SNTG2: variants seen among roughly 807,000 people sequenced by gnomAD.
The protein encoded by SNTG2 is syntrophin gamma 2, also known as gamma-2-syntrophin.
A neutral mutation model predicts 70.9 loss-of-function variants in SNTG2; 74 were observed. That is an observed-to-expected ratio of 1.04 (90% CI 0.86 to 1.27). The LOEUF (loss-of-function observed/expected upper bound fraction) is 1.27. Among genes scored for constraint, SNTG2 ranks in the 50% most tolerant of loss-of-function variants. The pLI is 0.00. For synonymous variants in SNTG2, 278 were observed against 273.8 expected, an observed-to-expected ratio of 1.02 and a Z score of -0.15; for missense variants, 717 against 690.7, an observed-to-expected ratio of 1.04 and a Z score of -0.43.
At chr2:1,000,078 T>C (rs972569569) in intron 1 of SNTG2, among the ~76,000 whole-genome samples, 4 of 151,850 alleles carry the variant, frequency 2.6e-5, no homozygotes, top group African/African-American at 9.7e-5. Flanking sequence ...AAATTTTCTT[T>C]ACCTGAATGA....
chr2:1,128,469 A>C (rs1667836772), intron 4 of SNTG2, among the ~76,000 whole-genome samples: 1 of 152,198 alleles, frequency 6.6e-6, no homozygotes, highest in Admixed American at 6.5e-5. Flanking sequence ...AGGCTTTGCA[A>C]CATAATGAAT....
chr2:1,023,580 G>A (rs576363506), intron 1 of SNTG2, among the ~76,000 whole-genome samples: 40 of 152,146 alleles, frequency 2.6e-4, no homozygotes, highest in Non-Finnish European at 5.1e-4. Context: ...TGGTTTCATC[G>A]TCGAACATTT....
chr2:1,188,671 C>T (rs965896868), intron 8 of SNTG2, among the ~76,000 whole-genome samples: 1 of 152,012 alleles, frequency 6.6e-6, no homozygotes, highest in African/African-American at 2.4e-5. Context: ...TAAATAGCTA[C>T]AAAATACATA....
intron 1 of SNTG2, among the ~76,000 whole-genome samples, chr2:997,975 G>T (rs1410882871): frequency 2.0e-5 from 3 of 152,166 alleles, no homozygotes; most frequent in Non-Finnish European, 4.4e-5. Context: ...TCTGCAAGAG[G>T]CTGTTAGCCT....
intron 16 of SNTG2, among the ~76,000 whole-genome samples, chr2:1,351,042 C>T (rs1023762208): frequency 2.6e-5 from 4 of 151,602 alleles, no homozygotes; most frequent in Admixed American, 6.6e-5. Context: ...CTTGTTCGGC[C>T]GATAAGTGTA....
intron 1 of SNTG2, among the ~76,000 whole-genome samples, chr2:1,060,577 A>G (rs6733908): frequency 0.17 from 25,364 of 152,214 alleles, 2,218 homozygotes; most frequent in South Asian, 0.2. Context: ...TATAAGGTTC[A>G]TCTGGAAGAG....
intron 16 of SNTG2, among the ~76,000 whole-genome samples, chr2:1,321,264 A>C (rs1021246027): frequency 1.2e-4 from 18 of 152,218 alleles, no homozygotes; most frequent in African/African-American, 4.3e-4. Context: ...ATATATATCC[A>C]TGAAGCAGAG....
chr2:1,271,749 A>G (rs561430546), intron 14 of SNTG2, among the ~76,000 whole-genome samples: 1 of 152,126 alleles, frequency 6.6e-6, no homozygotes, highest in Non-Finnish European at 1.5e-5. Flanking sequence ...CCCATTGAGG[A>G]TGTCCCCTTC....
rs572489332 is a variant in SNTG2 at position 1,250,902 on chromosome 2, G to A, written c.1005+3459G>A. The stretch of plus-strand genomic sequence containing the variant: ...TCTTTTCCTATAAAAGTTATCTATC[G>A]TCTCTTTCTCCTTCTGCATACACTC... On this transcript the variant is annotated intron_variant, in intron 12 of 16. Transcript: ENST00000308624. Among the ~76,000 whole-genome samples, 22 of 152,088 alleles carry A rather than the reference G, an allele frequency of 1.4e-4. No individual in the cohort carries two copies. The South Asian group carries it at 1.5e-3, about 10-fold the overall frequency.
In SNTG2 at chr2:999,073, G is replaced by A. The variant is rs562962426; in HGVS notation, c.72+48005G>A. Among the ~76,000 whole-genome samples the A allele has an allele frequency of 3.0e-4, 46 of 152,204 alleles. 1 individual carries two copies. The highest frequency in any genetic ancestry group is 3.1e-4 in the Non-Finnish European group (21 of 67,968). On this transcript the variant is annotated intron_variant, in intron 1 of 16. Coordinates refer to ENST00000308624, the MANE Select transcript of SNTG2 (RefSeq NM_018968.4). ...GCTTCATAAATGAGGGAGAAGTATA[G>A]TATTTCCCAGACAAGAAAACACTAA...
chr2:1,138,183 C>T (rs1040624633), intron 6 of SNTG2, among the ~76,000 whole-genome samples: 3 of 152,208 alleles, frequency 2.0e-5, no homozygotes, highest in Non-Finnish European at 4.4e-5. Context: ...CCGTACCGCC[C>T]GGGCGCTGGA....
intron 16 of SNTG2, among the ~76,000 whole-genome samples, chr2:1,330,980 G>A (rs1349656166): frequency 1.3e-5 from 2 of 152,316 alleles, no homozygotes; most frequent in East Asian, 3.9e-4. Context: ...TCCTCTGGGT[G>A]TTAGCAGTGA....
intron 1 of SNTG2, among the ~76,000 whole-genome samples, chr2:1,029,680 G>A (rs1393836728): frequency 6.6e-6 from 1 of 152,102 alleles, no homozygotes; most frequent in East Asian, 1.9e-4. Flanking sequence ...AGCTGCTGTC[G>A]CCGCCAAGGT....
chr2:1,006,882 A>G (rs907943470), intron 1 of SNTG2, among the ~76,000 whole-genome samples: 28 of 152,170 alleles, frequency 1.8e-4, no homozygotes, highest in African/African-American at 6.7e-4. Flanking sequence ...GTACAATATT[A>G]GCCAGGCATG....
chr2:1,039,284 C>G (rs1167533801), intron 1 of SNTG2, among the ~76,000 whole-genome samples: 1 of 152,154 alleles, frequency 6.6e-6, no homozygotes, highest in Non-Finnish European at 1.5e-5. Context: ...AATATGTGTA[C>G]AAGCCTTTCC....
intron 16 of SNTG2, among the ~76,000 whole-genome samples, chr2:1,356,335 G>A (rs1048179662): frequency 3.6e-4 from 54 of 152,054 alleles, no homozygotes; most frequent in Non-Finnish European, 2.9e-4. Context: ...TGTTTAAGTC[G>A]TTAATCTATT....
intron 8 of SNTG2, among the ~76,000 whole-genome samples, chr2:1,183,579 C>T (rs1386613269): frequency 2.0e-5 from 3 of 152,132 alleles, no homozygotes; most frequent in South Asian, 2.1e-4. Context: ...ATCATCAACA[C>T]GATGGCAAAA....
In SNTG2 at chr2:1,222,135, G is replaced by C. The variant is rs75180398; in HGVS notation, c.719+12905G>C. On this transcript the variant is annotated intron_variant, in intron 9 of 16. Coordinates refer to ENST00000308624, the MANE Select transcript of SNTG2 (RefSeq NM_018968.4). ...TCTCTGTCTCTCTCTGTCTCTCTCT[G>C]TCTCTCTCTGTCTCTGCCTATCTCT... Among the ~76,000 whole-genome samples the C allele has an allele frequency of 4.6e-4, 47 of 103,092 alleles. 5 individuals are homozygous for C. In the East Asian group the frequency reaches 7.9e-3, roughly 17 times the overall value. 67.6% of individuals were successfully genotyped at this position (103,092 alleles called of 152,430 possible).
At position 1,292,619 on chromosome 2, in the gene SNTG2, C is replaced by T. The variant is rs73177753; in HGVS notation, c.1285-15875C>T. The stretch of plus-strand genomic sequence containing the variant: ...AAGATGATACAGATTTTTCTTTTTC[C>T]TTCCTTTTGTTCACATGGCATGTTG... On this transcript the variant is annotated intron_variant, in intron 14 of 16. Transcript: ENST00000308624. 3.3e-5 allele frequency among the ~76,000 whole-genome samples: 5 copies of T among 151,946 alleles called. No homozygotes were observed. The East Asian group carries it at 9.6e-4, about 29-fold the overall frequency.
Sources: gnomAD v4.1 joint callset for allele counts (sites outside exome capture counted in the v4.1 genomes callset) on GRCh38, gnomAD v4.1.1 for gene constraint, MANE v1.5 for transcripts, NCBI Gene and HGNC (gene_info 2026-07-23, HGNC 2026-07-21) for gene names.